Variants in MTRF1L observed in about 807,000 individuals in gnomAD.
MTRF1L encodes the protein peptide chain release factor 1-like, mitochondrial.
In MTRF1L, 29 loss-of-function variants were observed where a neutral mutation model predicts 40.0. The ratio of observed to expected loss-of-function variants is 0.73; its 90% CI spans 0.54 to 0.99. The LOEUF (loss-of-function observed/expected upper bound fraction) is 0.99, where lower values mean the gene tolerates loss of function less well. Among genes scored for constraint, MTRF1L ranks in the 50% least tolerant of loss-of-function variants. The pLI is 0.00. For missense variants in MTRF1L, 412 were observed against 464.5 expected (o/e 0.89, Z 1.04); for synonymous variants, 150 against 175.8 (o/e 0.85, Z 1.16).
In MTRF1L at chr6:152,991,220, C is replaced by A. The variant is rs935752801; in HGVS notation, c.907G>T (p.Glu303Ter). The change falls in exon 6 of 7, where the codon GAA becomes TAA. Residue 303 changes from glutamate to a stop codon, truncating the protein, a stop_gained. Transcript: ENST00000367233. LOFTEE classifies it high-confidence loss of function. ...AKLYSMHLEE[E>*]INKRQNARKI... ...CTAGCATTCTGTCTTTTATTTATTT[C>A]TTCTTCTAGATGCATGCTGTACAGT... The A allele has an allele frequency of 3.2e-6, 5 of 1,563,348 alleles. No individual in the cohort carries two copies. The highest frequency in any genetic ancestry group is 2.3e-5 in the East Asian group (1 of 43,496).
At chr6:152,996,941 A>C (rs1242302722) in intron 2 of MTRF1L, among the ~76,000 whole-genome samples, 1 of 152,210 alleles carries the variant, frequency 6.6e-6, no homozygotes, top group Non-Finnish European at 1.5e-5. Context: ...CTAACTTGTT[A>C]TAACAAGTCA....
At chr6:153,000,884 T>A in intron 1 of MTRF1L, among the ~76,000 whole-genome samples, 1 of 149,268 alleles carries the variant, frequency 6.7e-6, no homozygotes, top group East Asian at 2.0e-4. Flanking sequence ...TTTTTTTTTT[T>A]TTTTTTTGAG....
Position 153,002,594 on chromosome 6 carries a change from G to T in MTRF1L, c.92C>A (p.Pro31Gln). 1 of 1,553,762 alleles carries T rather than the reference G, an allele frequency of 6.4e-7. No homozygotes were observed. ...CCGGGTGAACAGCTCCTCCAGCGGC[G>T]GGCTACCGGAGCTCAGGGGCCGGCG... ...PARRPLSSGS[P>Q]PLEELFTRGG... is the part of the protein sequence containing the mutation. Residue 31 changes from proline to glutamine, a missense_variant, in exon 1 of 7, where the codon CCG becomes CAG. Transcript: ENST00000367233.
chr6:153,001,723 T>C (rs1219118507), intron 1 of MTRF1L, among the ~76,000 whole-genome samples: 4 of 152,246 alleles, frequency 2.6e-5, no homozygotes, highest in African/African-American at 9.6e-5. Context: ...GTCAGAACTA[T>C]GCCTATCACC....
Position 152,989,921 on chromosome 6 carries a change from C to A in MTRF1L, c.1117G>T (p.Val373Leu). The stretch of plus-strand genomic sequence containing the variant: ...TAAACTTTTTGGGAAATAATTTCTA[C>A]TAAAGATTCATAATCGGCGTATTCC... Reference protein sequence around the residue: ...LKEYADYESLVEIISQKV With the variant: ...LKEYADYESLLEIISQKV The change falls in exon 7 of 7, where the codon GTA (valine) becomes TTA (leucine). Residue 373 changes from valine (V) to leucine (L), a missense_variant. Coordinates refer to ENST00000367233, the MANE Select transcript of MTRF1L (RefSeq NM_019041.7). The A allele has an allele frequency of 6.2e-7, 1 of 1,612,652 alleles. No individual in the cohort carries two copies. Among genetic ancestry groups the A allele is most frequent in the Non-Finnish European group, 8.5e-7 (1 of 1,179,594 alleles).
chr6:152,995,418 C>T (rs982627508), intron 2 of MTRF1L, 99 bp from the exon 3 acceptor site: 38 of 1,116,460 alleles, frequency 3.4e-5, no homozygotes, highest in Non-Finnish European at 4.5e-5. Flanking sequence ...ATTTAAGTTT[C>T]GCCAAGCAAA....
At chr6:152,997,925 T>A (rs1778768631) in intron 2 of MTRF1L, among the ~76,000 whole-genome samples, 1 of 152,148 alleles carries the variant, frequency 6.6e-6, no homozygotes, top group African/African-American at 2.4e-5. Flanking sequence ...TAAAAAAGAC[T>A]ACATTGACAT....
rs761187648 is a variant in MTRF1L, at chr6:152,987,365, ATGTAT to A, written c.*2525_*2529del. 2 of 152,232 alleles carry A rather than the reference ATGTAT, an allele frequency of 1.3e-5. No homozygotes were observed. Among genetic ancestry groups the A allele is most frequent in the African/African-American group, 4.8e-5 (2 of 41,448 alleles). The allele number at this position is 152,232 out of a possible 1,614,324, so 9.4% of individuals were successfully genotyped here. On this transcript the variant is annotated 3_prime_UTR_variant, in exon 7 of 7. Coordinates refer to ENST00000367233, the MANE Select transcript of MTRF1L (RefSeq NM_019041.7). ...AAATGATGCTGGATACAGATCATGG[ATGTAT>A]TGTATACACAGTGGAAAGCTGGTTT...
At chr6:152,991,050 G>A (rs1321129372) in intron 6 of MTRF1L, 135 bp downstream of exon 6, 6 of 532,220 alleles carry the variant, frequency 1.1e-5, no homozygotes, top group Admixed American at 3.9e-5. Flanking sequence ...ATCAAAGAAG[G>A]ATAGCCCTTA....
Position 153,002,709 on chromosome 6 carries a change from T to G in MTRF1L, c.-24A>C. The G allele has an allele frequency of 6.8e-7, 1 of 1,464,650 alleles. No homozygotes were observed. Among genetic ancestry groups the G allele is most frequent in the South Asian group, 1.4e-5 (1 of 69,504 alleles). 90.7% of individuals were successfully genotyped at this position (1,464,650 alleles called of 1,614,324 possible). ...ATCCTTAGTCCGAGATCGCGGACCCTGACCGGAACCGGAAGTTCCGGACAC... is the reference window on the plus strand; with the variant it reads ...ATCCTTAGTCCGAGATCGCGGACCCGGACCGGAACCGGAAGTTCCGGACAC... On this transcript the variant is annotated 5_prime_UTR_variant, in exon 1 of 7. Transcript: ENST00000367233.
In MTRF1L at chr6:152,991,316, C is replaced by G. The variant is rs1339198796; in HGVS notation, c.811G>C (p.Val271Leu). The change falls in exon 6 of 7, where the codon GTT becomes CTT. Residue 271 changes from valine to leucine, a missense_variant. Val to Leu is a conservative substitution (Grantham distance 32). Transcript: ENST00000367233. ...GATCTCTCTTGTTGACATTCAGAAA[C>G]AACACCTGAATAGTGTTACGAGAAT... Reference protein sequence around the residue: ...VRIVHLPTGVVSECQQERSQL... With the variant: ...VRIVHLPTGVLSECQQERSQL... The G allele has an allele frequency of 3.8e-6, 6 of 1,586,006 alleles. No individual in the cohort carries two copies. Among genetic ancestry groups the G allele is most frequent in the African/African-American group, 1.4e-5 (1 of 73,316 alleles).
At chr6:152,991,672 G>A (rs988706669) in intron 5 of MTRF1L, among the ~76,000 whole-genome samples, 3 of 152,018 alleles carry the variant, frequency 2.0e-5, no homozygotes, top group Admixed American at 1.3e-4. Context: ...TCAGCCTCCC[G>A]AGTAGCTGGG....
chr6:152,991,131 G>A lies in MTRF1L; in HGVS notation c.942+54C>T, dbSNP rs535639858. The A allele has an allele frequency of 1.8e-4, 224 of 1,228,678 alleles. 3 individuals are homozygous for A. The South Asian group carries it at 3.2e-3, about 18-fold the overall frequency. The allele number at this position is 1,228,678 out of a possible 1,614,324, so 76.1% of individuals were successfully genotyped here. A position where few individuals can be genotyped will look rare whatever the true frequency, so the allele number is the denominator to read the frequency against. On this transcript the variant is annotated intron_variant, in intron 6 of 6. Transcript: ENST00000367233. ...AACCAAGTTATTTAAAAAAAGCTGA[G>A]TTATATAAAAATATTTCTATCCTTT...
chr6:153,002,616 G>A lies in MTRF1L; in HGVS notation c.70C>T (p.Arg24Trp), dbSNP rs1276893973. 1 of 1,538,748 alleles carries A rather than the reference G, an allele frequency of 6.5e-7. No homozygotes were observed. The highest frequency in any genetic ancestry group is 8.7e-7 in the Non-Finnish European group (1 of 1,143,094). Residue 24 changes from arginine (R) to tryptophan (W), a missense_variant, in exon 1 of 7, where the codon CGG (arginine) becomes TGG (tryptophan). By Grantham distance (101) the Arg-to-Trp change is moderately radical. Coordinates refer to ENST00000367233, the MANE Select transcript of MTRF1L (RefSeq NM_019041.7). The part of the protein sequence containing the change: ...WPRRAVGPAR[R>W]PLSSGSPPLE... ...GGCGGGCTACCGGAGCTCAGGGGCCGGCGGGCTGGGCCAACGGCCCGGCGG... is the reference window on the plus strand; with the variant it reads ...GGCGGGCTACCGGAGCTCAGGGGCCAGCGGGCTGGGCCAACGGCCCGGCGG...
At position 153,002,011 on chromosome 6, in the gene MTRF1L, A is replaced by C. The variant is rs1778934052; in HGVS notation, c.259+416T>G. On this transcript the variant is annotated intron_variant, in intron 1 of 6. Transcript: ENST00000367233. ...TACTTAGGCCATACTGAATTTCCCA[A>C]TTTAGTACCTTTACCCACGTATAGG... Among the ~76,000 whole-genome samples the C allele has an allele frequency of 2.0e-5, 3 of 152,156 alleles. No individual in the cohort carries two copies. In the South Asian group the frequency reaches 6.2e-4, roughly 32 times the overall value.
rs1204710354 is a variant in MTRF1L at position 152,991,207 on chromosome 6, CTTTTA to C, written c.915_919del (p.Asn305LysfsTer5). ...TACCTGAATTTTTCTAGCATTCTGT[CTTTTA>C]TTTATTTCTTCTTCTAGATGCATGC... On this transcript the variant is annotated frameshift_variant, in exon 6 of 7. Coordinates refer to ENST00000367233, the MANE Select transcript of MTRF1L (RefSeq NM_019041.7). LOFTEE classifies it high-confidence loss of function. 8 of 1,556,756 alleles carry C rather than the reference CTTTTA, an allele frequency of 5.1e-6. No individual in the cohort carries two copies. The Admixed American group carries it at 6.1e-5, about 12-fold the overall frequency.
chr6:153,002,389 ATG>A, intron 1 of MTRF1L, 36 bp downstream of exon 1: 2 of 1,613,822 alleles, frequency 1.2e-6, no homozygotes, highest in East Asian at 4.5e-5. Flanking sequence ...AGAGTCAAGA[ATG>A]TGCTCTGACG....
At chr6:152,998,394 G>T in intron 2 of MTRF1L, 156 bp downstream of exon 2, 1 of 472,490 alleles carries the variant, frequency 2.1e-6, no homozygotes. Context: ...GCAATTTTGG[G>T]GGTCAATTTA....
chr6:152,990,043 T>C lies in MTRF1L; in HGVS notation c.995A>G (p.Asn332Ser), dbSNP rs142813473. Residue 332 changes from asparagine to serine, a missense_variant, in exon 7 of 7, where the codon AAC becomes AGC. Asn to Ser is a conservative substitution (Grantham distance 46). Coordinates refer to ENST00000367233, the MANE Select transcript of MTRF1L (RefSeq NM_019041.7). ...GTTTATTCTGTGATCTGTGACCCGGTTCTGTGGAAAATTATATGTTCTTAT... is the reference window on the plus strand; with the variant it reads ...GTTTATTCTGTGATCTGTGACCCGGCTCTGTGGAAAATTATATGTTCTTAT... ...EKIRTYNFPQ[N>S]RVTDHRINKT... 132 of 1,613,886 alleles carry C rather than the reference T, an allele frequency of 8.2e-5. 3 individuals carry two copies. The South Asian group carries it at 8.9e-4, about 11-fold the overall frequency.
Sources: allele counts gnomAD v4.1 joint callset (sites outside exome capture counted in the v4.1 genomes callset), GRCh38; gene constraint gnomAD v4.1.1; transcripts MANE v1.5; gene names NCBI Gene and HGNC (gene_info 2026-07-23, HGNC 2026-07-21).